Variants in AHI1 observed in about 807,000 individuals in gnomAD.
The protein encoded by AHI1 is jouberin.
Under a neutral mutation model 149.3 loss-of-function variants are expected in AHI1, and 123 were observed. The ratio of observed to expected loss-of-function variants is 0.82; its 90% CI spans 0.71 to 0.96. The LOEUF (loss-of-function observed/expected upper bound fraction) is 0.96. Among genes scored for constraint, AHI1 ranks in the 40% least tolerant of loss-of-function variants. AHI1 has a pLI of 0.00. For synonymous variants in AHI1, 475 were observed against 459.8 expected, an observed-to-expected ratio of 1.03 and a Z score of -0.42; for missense variants, 1,439 against 1,422.7, an observed-to-expected ratio of 1.01 and a Z score of -0.18.
chr6:135,435,033 G>A (rs1785195984), intron 15 of AHI1: 1 of 152,144 alleles, frequency 6.6e-6, no homozygotes, highest in Non-Finnish European at 1.5e-5. Flanking sequence ...TATGTGTCAG[G>A]GATCCTCAGG....
At position 135,358,273 on chromosome 6, in the gene AHI1, C is replaced by G. The variant is rs756320021; in HGVS notation, c.3110-86G>C. On this transcript the variant is annotated intron_variant, in intron 23 of 28. Transcript: ENST00000265602. ...TATTCATGCCATTTTATTGGAAAAA[C>G]ATTTATTATGACTCACACAGCTTCC... The G allele has an allele frequency of 2.3e-5, 27 of 1,175,844 alleles. 1 individual carries two copies. In the South Asian group the frequency reaches 3.1e-4, roughly 14 times the overall value. 72.8% of individuals were successfully genotyped at this position (1,175,844 alleles called of 1,614,324 possible). A position where few individuals can be genotyped will look rare whatever the true frequency, so the allele number is the denominator to read the frequency against.
At chr6:135,335,446 T>A (rs543232863) in intron 24 of AHI1, among the ~76,000 whole-genome samples, 132 of 145,836 alleles carry the variant, frequency 9.1e-4, no homozygotes, top group Non-Finnish European at 1.3e-3. Context: ...AAAAGAAATT[T>A]AAAAAAAAAA....
At chr6:135,316,587 T>A (rs1361798266) in intron 26 of AHI1, among the ~76,000 whole-genome samples, 1 of 152,114 alleles carries the variant, frequency 6.6e-6, no homozygotes, top group Non-Finnish European at 1.5e-5. Context: ...TATTATTTTT[T>A]CTTTTTTTCC....
chr6:135,319,126 G>T (rs1333107557), intron 25 of AHI1, among the ~76,000 whole-genome samples: 3 of 152,228 alleles, frequency 2.0e-5, no homozygotes, highest in Admixed American at 2.0e-4. Flanking sequence ...CTTAATGGAA[G>T]AAGTGGTAGG....
intron 22 of AHI1, among the ~76,000 whole-genome samples, chr6:135,400,608 G>T (rs991869391): frequency 6.6e-6 from 1 of 152,148 alleles, no homozygotes; most frequent in Non-Finnish European, 1.5e-5. Flanking sequence ...CCTCCCTGAG[G>T]TAATTTATAA....
intron 3 of AHI1, chr6:135,492,644 C>A (rs924363750): frequency 1.0e-6 from 1 of 985,294 alleles, no homozygotes; most frequent in Non-Finnish European, 1.2e-6. Context: ...AAACCAAACT[C>A]CATCTCAGGA....
intron 24 of AHI1, among the ~76,000 whole-genome samples, chr6:135,339,625 T>TCTG (rs1231048032): frequency 1.3e-5 from 2 of 152,106 alleles, no homozygotes; most frequent in Non-Finnish European, 2.9e-5. Flanking sequence ...TTGAGATGAT[T>TCTG]TAGTCTGAGG....
At chr6:135,456,617 C>T (rs967785186) in intron 9 of AHI1, among the ~76,000 whole-genome samples, 3 of 151,320 alleles carry the variant, frequency 2.0e-5, no homozygotes, top group African/African-American at 7.3e-5. Context: ...TTTGAGTTGT[C>T]ATATTTTCTT....
At chr6:135,364,047 A>G (rs1234103311) in intron 23 of AHI1, among the ~76,000 whole-genome samples, 356 of 93,892 alleles carry the variant, frequency 3.8e-3, no homozygotes, top group Middle Eastern at 8.8e-3. Context: ...CCTCCCGGAC[A>G]GGGCGGCTGG....
intron 5 of AHI1, among the ~76,000 whole-genome samples, chr6:135,482,736 T>C (rs1793868144): frequency 2.0e-5 from 3 of 151,956 alleles, no homozygotes; most frequent in South Asian, 4.2e-4. Context: ...GGTCGGGTTA[T>C]CTTTCTTTTT....
At chr6:135,479,661 G>C (rs1004949527) in intron 5 of AHI1, among the ~76,000 whole-genome samples, 10 of 152,160 alleles carry the variant, frequency 6.6e-5, no homozygotes, top group African/African-American at 2.2e-4. Flanking sequence ...GGAATTTCGG[G>C]TTCATGTTGA....
intron 5 of AHI1, among the ~76,000 whole-genome samples, chr6:135,468,208 CA>C (rs1240311465): frequency 2.6e-5 from 4 of 151,658 alleles, no homozygotes; most frequent in African/African-American, 4.8e-5. Context: ...CCACAGCCTC[CA>C]AAAAAATTCA....
intron 26 of AHI1, among the ~76,000 whole-genome samples, chr6:135,312,136 G>A (rs1037089627): frequency 6.6e-6 from 1 of 152,142 alleles, no homozygotes; most frequent in African/African-American, 2.4e-5. Flanking sequence ...AATGATTGAG[G>A]TTTGTTTCCT....
At chr6:135,445,675 C>T (rs569004765) in intron 13 of AHI1, among the ~76,000 whole-genome samples, 1 of 152,274 alleles carries the variant, frequency 6.6e-6, no homozygotes, top group East Asian at 1.9e-4. Flanking sequence ...TGGGTTCAAT[C>T]AATCTTCCTT....
intron 5 of AHI1, among the ~76,000 whole-genome samples, chr6:135,477,660 A>ACTCT (rs140797151): frequency 6.2e-5 from 9 of 145,826 alleles, no homozygotes; most frequent in Admixed American, 2.0e-4. Flanking sequence ...CCTCCTTCGC[A>ACTCT]CTCTCTCTCT....
chr6:135,455,726 A>G lies in AHI1; in HGVS notation c.1344+8T>C. On this transcript the variant is annotated splice_region_variant and intron_variant, in intron 10 of 28. Transcript: ENST00000265602. ...CGTTTAATTTGAATTGGTCCATTCA[A>G]TTCATACCTCAAAGAACAGGATGAC... 1.3e-6 allele frequency: 2 copies of G among 1,565,122 alleles called. No individual in the cohort carries two copies. Among genetic ancestry groups the G allele is most frequent in the Non-Finnish European group, 1.7e-6 (2 of 1,148,668 alleles).
At chr6:135,293,615 C>T (rs557609160) in intron 27 of AHI1, among the ~76,000 whole-genome samples, 6 of 102,836 alleles carry the variant, frequency 5.8e-5, no homozygotes, top group East Asian at 4.4e-4. Flanking sequence ...TATAAACTAG[C>T]GACAATACCA....
intron 5 of AHI1, among the ~76,000 whole-genome samples, chr6:135,481,231 G>A (rs143035700): frequency 2.4e-4 from 37 of 152,266 alleles, no homozygotes; most frequent in Middle Eastern, 3.4e-3. Flanking sequence ...CTTAAAACCC[G>A]TAAGAAATAA....
chr6:135,490,490 CAT>C (rs556526988), intron 5 of AHI1, 131 bp downstream of exon 5: 155 of 1,034,358 alleles, frequency 1.5e-4, no homozygotes, highest in South Asian at 7.5e-4. Context: ...ATTTTTACCA[CAT>C]GTTATTGACC....
Sources: gnomAD v4.1 joint callset for allele counts (sites outside exome capture counted in the v4.1 genomes callset) on GRCh38, gnomAD v4.1.1 for gene constraint, MANE v1.5 for transcripts, NCBI Gene and HGNC (gene_info 2026-07-23, HGNC 2026-07-21) for gene names.